RAB5B: variants seen among roughly 807,000 people sequenced by gnomAD.
The protein encoded by RAB5B is RAB5B, member RAS oncogene family.
A neutral mutation model predicts 28.6 loss-of-function variants in RAB5B; 11 were observed. That is an observed-to-expected ratio of 0.38 (90% CI 0.24 to 0.64). The LOEUF is 0.64. RAB5B is among the 30% of genes least tolerant of loss of function. The pLI, the probability that RAB5B is intolerant of heterozygous loss-of-function variation, is 0.53. For synonymous variants in RAB5B, 93 were observed against 97.9 expected, an observed-to-expected ratio of 0.95 and a Z score of 0.29; for missense variants, 169 against 265.6, an observed-to-expected ratio of 0.64 and a Z score of 2.53.
chr12:55,980,520 T>C (rs935861455), intron 1 of RAB5B: 2 of 1,586,762 alleles, frequency 1.3e-6, no homozygotes, highest in African/African-American at 1.3e-5. Flanking sequence ...CCTCCTGACT[T>C]GAGCAAGATG....
Position 55,994,287 on chromosome 12 carries a change from A to T in RAB5B, c.*2075A>T, listed in dbSNP as rs913419880. 1.3e-5 allele frequency: 2 copies of T among 152,382 alleles called. No individual in the cohort carries two copies. The highest frequency in any genetic ancestry group is 4.8e-5 in the African/African-American group (2 of 41,412). 9.4% of individuals were successfully genotyped at this position (152,382 alleles called of 1,614,324 possible). On this transcript the variant is annotated 3_prime_UTR_variant, in exon 6 of 6. Coordinates refer to ENST00000360299, the MANE Select transcript of RAB5B (RefSeq NM_002868.4). ...AGGATGGCTTTCCAAAGTCTTCTAG[A>T]AATGAAGTTCTTTCTCTGTGCAGCT...
chr12:55,989,943 A>G lies in RAB5B; in HGVS notation c.164-4A>G. On this transcript the variant is annotated splice_region_variant and splice_polypyrimidine_tract_variant and intron_variant, in intron 2 of 5. Coordinates refer to ENST00000360299, the MANE Select transcript of RAB5B (RefSeq NM_002868.4). Reference sequence around the variant, plus strand: ...CATCTTCCCCTCCATTCTCTCATCCATAGCGGCCTTCCTCACCCAGTCCGT... The same window carrying G: ...CATCTTCCCCTCCATTCTCTCATCCGTAGCGGCCTTCCTCACCCAGTCCGT... 1 of 1,610,192 alleles carries G rather than the reference A, an allele frequency of 6.2e-7. No homozygotes were observed. Among genetic ancestry groups the G allele is most frequent in the Non-Finnish European group, 8.5e-7 (1 of 1,176,468 alleles).
In RAB5B at chr12:55,989,916, A is replaced by G. The variant is rs756675020; in HGVS notation, c.164-31A>G. Reference sequence around the variant, plus strand: ...TGTTCCCATTCATCCTCCCACTTACAGCATCTTCCCCTCCATTCTCTCATC... The same window carrying G: ...TGTTCCCATTCATCCTCCCACTTACGGCATCTTCCCCTCCATTCTCTCATC... On this transcript the variant is annotated intron_variant, in intron 2 of 5. Coordinates refer to ENST00000360299, the MANE Select transcript of RAB5B (RefSeq NM_002868.4). 7 of 1,596,304 alleles carry G rather than the reference A, an allele frequency of 4.4e-6. No individual in the cohort carries two copies. The Admixed American group carries it at 5.0e-5, about 11-fold the overall frequency.
rs145785851 is a variant in RAB5B at position 55,982,713 on chromosome 12, G to T, written c.-92-4156G>T. On this transcript the variant is annotated intron_variant, in intron 1 of 5. Coordinates refer to ENST00000360299, the MANE Select transcript of RAB5B (RefSeq NM_002868.4). ...AAGAAAGCTTGCTGACCACATCTGG[G>T]CTCTGGCTTGACTTCCCATCTCTGA... Among the ~76,000 whole-genome samples the T allele has an allele frequency of 1.1e-4, 17 of 152,274 alleles. No homozygotes were observed. The East Asian group carries it at 3.3e-3, about 29-fold the overall frequency.
chr12:55,981,062 A>T (rs1889793045), intron 1 of RAB5B: 1 of 1,592,520 alleles, frequency 6.3e-7, no homozygotes, highest in African/African-American at 1.3e-5. Context: ...CGGGGAAGGG[A>T]TGGGGCTATT....
At chr12:55,979,456 G>C (rs1400131612) in intron 1 of RAB5B, 2 of 152,180 alleles carry the variant, frequency 1.3e-5, no homozygotes, top group African/African-American at 4.8e-5. Flanking sequence ...TTTAAACAGA[G>C]TTGGAGAGGG....
intron 1 of RAB5B, among the ~76,000 whole-genome samples, chr12:55,974,476 G>A (rs764954009): frequency 6.6e-6 from 1 of 152,236 alleles, no homozygotes; most frequent in Admixed American, 6.5e-5. Flanking sequence ...AAGGAACAGG[G>A]CAGCGGGTGA....
intron 1 of RAB5B, among the ~76,000 whole-genome samples, chr12:55,985,090 T>C (rs933452003): frequency 2.0e-5 from 3 of 152,252 alleles, no homozygotes; most frequent in African/African-American, 7.2e-5. Flanking sequence ...CTTATAAGGC[T>C]ATTATCTCAT....
At chr12:55,988,976 C>A (rs1890033450) in intron 2 of RAB5B, among the ~76,000 whole-genome samples, 1 of 143,856 alleles carries the variant, frequency 7.0e-6, no homozygotes. Flanking sequence ...GAGTCTCACC[C>A]TGTTGCCCAG....
At position 55,996,001 on chromosome 12, in the gene RAB5B, A is replaced by ATTTTTTTTT. The variant is rs1365255281; in HGVS notation, c.*3790_*3791insTTTTTTTTT. 1.1e-4 allele frequency: 9 copies of ATTTTTTTTT among 84,626 alleles called. No individual in the cohort carries two copies. Among genetic ancestry groups the ATTTTTTTTT allele is most frequent in the Non-Finnish European group, 1.9e-4 (8 of 41,926 alleles). The allele number at this position is 84,626 out of a possible 1,614,324, so 5.2% of individuals were successfully genotyped here. On this transcript the variant is annotated 3_prime_UTR_variant, in exon 6 of 6. Transcript: ENST00000360299. The stretch of plus-strand genomic sequence containing the variant: ...TATATATACATATATATATATATAT[A>ATTTTTTTTT]TATTTTTTTTTTAACAACTGGTAGG...
At chr12:55,985,411 C>A (rs1361785092) in intron 1 of RAB5B, among the ~76,000 whole-genome samples, 1 of 152,196 alleles carries the variant, frequency 6.6e-6, no homozygotes, top group South Asian at 2.1e-4. Flanking sequence ...GTAATTTGAA[C>A]AAGCAAAGTA....
In RAB5B at chr12:55,990,226, G is replaced by A. The variant is rs926813915; in HGVS notation, c.315+128G>A. On this transcript the variant is annotated intron_variant, in intron 3 of 5. Coordinates refer to ENST00000360299, the MANE Select transcript of RAB5B (RefSeq NM_002868.4). ...AGATTGAGACCATCCTGGCCAACAT[G>A]GTGAAACCCCGTCTCTACTAAAATT... 3.1e-5 allele frequency: 33 copies of A among 1,056,412 alleles called. No individual in the cohort carries two copies. In the Middle Eastern group the frequency reaches 3.2e-3, roughly 101 times the overall value. 65.4% of individuals were successfully genotyped at this position (1,056,412 alleles called of 1,614,324 possible).
intron 1 of RAB5B, among the ~76,000 whole-genome samples, chr12:55,985,091 A>G (rs924578298): frequency 6.6e-6 from 1 of 152,214 alleles, no homozygotes; most frequent in African/African-American, 2.4e-5. Context: ...TTATAAGGCT[A>G]TTATCTCATT....
At chr12:55,987,704 G>A (rs1455701199) in intron 2 of RAB5B, among the ~76,000 whole-genome samples, 8 of 151,704 alleles carry the variant, frequency 5.3e-5, no homozygotes, top group East Asian at 3.9e-4. Flanking sequence ...GGTGGCAGGC[G>A]CCTGTAATCC....
chr12:55,988,137 G>GA (rs1890006863), intron 2 of RAB5B, among the ~76,000 whole-genome samples: 2 of 151,398 alleles, frequency 1.3e-5, no homozygotes, highest in Non-Finnish European at 2.9e-5. Flanking sequence ...TGACTAGAGT[G>GA]AAAATCCGTC....
At chr12:55,981,095 G>A (rs1426111065) in intron 1 of RAB5B, 6 of 1,451,328 alleles carry the variant, frequency 4.1e-6, no homozygotes, top group African/African-American at 2.8e-5. Flanking sequence ...AGACGGAATC[G>A]CTCTGTTGTC....
At chr12:55,974,228 C>T (rs1205252209) in intron 1 of RAB5B, 89 bp downstream of exon 1, 2 of 153,436 alleles carry the variant, frequency 1.3e-5, no homozygotes, top group Non-Finnish European at 2.9e-5. Context: ...GGGTCTGGTC[C>T]TAAGCGAGGG....
At chr12:55,986,140 A>G (rs767359091) in intron 1 of RAB5B, among the ~76,000 whole-genome samples, 1 of 152,072 alleles carries the variant, frequency 6.6e-6, no homozygotes, top group Non-Finnish European at 1.5e-5. Flanking sequence ...CATTTTGACA[A>G]AGAGCTAAGG....
chr12:55,979,498 C>T (rs1486122349), intron 1 of RAB5B: 1 of 152,168 alleles, frequency 6.6e-6, no homozygotes, highest in Non-Finnish European at 1.5e-5. Context: ...TCTGCTCTAT[C>T]TTCCCTACTT....
Sources: allele counts gnomAD v4.1 joint callset (sites outside exome capture counted in the v4.1 genomes callset), GRCh38; gene constraint gnomAD v4.1.1; transcripts MANE v1.5; gene names NCBI Gene and HGNC (gene_info 2026-07-23, HGNC 2026-07-21).